Variants in CAMTA1 observed in about 807,000 individuals in gnomAD.
CAMTA1 encodes the protein calmodulin-binding transcription activator 1.
A neutral mutation model predicts 170.9 loss-of-function variants in CAMTA1; 27 were observed. The observed-to-expected ratio is 0.16, with a 90% CI of 0.12 to 0.22. The LOEUF (loss-of-function observed/expected upper bound fraction) is 0.22. CAMTA1 is among the 10% of genes least tolerant of loss of function. The pLI is 1.00. For missense variants in CAMTA1, 1,619 were observed against 2,217.2 expected (o/e 0.73, Z 5.42); for synonymous variants, 833 against 891.5 (o/e 0.93, Z 1.17).
At chr1:6,989,220 C>T (rs1283820023) in intron 3 of CAMTA1, among the ~76,000 whole-genome samples, 2 of 152,162 alleles carry the variant, frequency 1.3e-5, no homozygotes, top group African/African-American at 2.4e-5. Context: ...GGGTTAGGGA[C>T]GGATGTGGCA....
intron 5 of CAMTA1, among the ~76,000 whole-genome samples, chr1:7,459,390 AC>A (rs1449824739): frequency 6.6e-6 from 1 of 152,090 alleles, no homozygotes; most frequent in Non-Finnish European, 1.5e-5. Context: ...CGTTCAGGGT[AC>A]CCTGGGGAGC....
intron 3 of CAMTA1, among the ~76,000 whole-genome samples, chr1:7,042,322 G>A (rs1160171400): frequency 6.6e-6 from 1 of 152,210 alleles, no homozygotes; most frequent in Non-Finnish European, 1.5e-5. Context: ...GTGTACCATG[G>A]AGTGTGGGCA....
At chr1:7,467,742 C>A in intron 5 of CAMTA1, 88 bp from the exon 6 acceptor site, 5 of 1,244,216 alleles carry the variant, frequency 4.0e-6, no homozygotes, top group Non-Finnish European at 5.9e-6. Flanking sequence ...GGCTGTGGCC[C>A]CTTCTTGCTC....
chr1:7,003,218 T>C (rs901455498), intron 3 of CAMTA1, among the ~76,000 whole-genome samples: 1 of 152,186 alleles, frequency 6.6e-6, no homozygotes, highest in African/African-American at 2.4e-5. Flanking sequence ...AAACCACTGG[T>C]CTAACTAAAG....
At chr1:7,363,903 C>A (rs1403839227) in intron 5 of CAMTA1, among the ~76,000 whole-genome samples, 1 of 152,152 alleles carries the variant, frequency 6.6e-6, no homozygotes, top group Non-Finnish European at 1.5e-5. Context: ...ATCCCAGGGA[C>A]CGGGAACACT....
At chr1:6,991,047 A>C (rs954279087) in intron 3 of CAMTA1, among the ~76,000 whole-genome samples, 2 of 152,106 alleles carry the variant, frequency 1.3e-5, no homozygotes, top group African/African-American at 4.8e-5. Flanking sequence ...GTGTTGTTGC[A>C]AGTATCAGTA....
chr1:6,836,870 C>T (rs1653385897), intron 3 of CAMTA1, among the ~76,000 whole-genome samples: 1 of 151,992 alleles, frequency 6.6e-6, no homozygotes, highest in Admixed American at 6.6e-5. Flanking sequence ...TAATGCTGGT[C>T]CCAGGCCAAG....
rs950081657 is a variant in CAMTA1 at position 7,642,198 on chromosome 1, G to A, written c.664+1645G>A. On this transcript the variant is annotated intron_variant, in intron 7 of 22. Coordinates refer to ENST00000303635, the MANE Select transcript of CAMTA1 (RefSeq NM_015215.4). The surrounding 1 kb of genome is among the most constrained non-coding windows in gnomAD (Gnocchi z 6.3). ...AGCTTCCCGCGCTTCATCAGGAGGGGCCTCGTGAGCCTCTTCAAAATGCTG... is the reference window on the plus strand; with the variant it reads ...AGCTTCCCGCGCTTCATCAGGAGGGACCTCGTGAGCCTCTTCAAAATGCTG... Among the ~76,000 whole-genome samples, 12 of 152,198 alleles carry A rather than the reference G, an allele frequency of 7.9e-5. No individual in the cohort carries two copies. Among genetic ancestry groups the A allele is most frequent in the African/African-American group, 2.7e-4 (11 of 41,448 alleles).
chr1:7,485,225 G>A (rs1487699598), intron 6 of CAMTA1, among the ~76,000 whole-genome samples: 13 of 152,132 alleles, frequency 8.5e-5, no homozygotes, highest in Admixed American at 3.9e-4. Context: ...CCTTGTGCGC[G>A]CATTACATAG....
chr1:7,640,242 C>T (rs564028307), intron 6 of CAMTA1, among the ~76,000 whole-genome samples, 158 bp from the exon 7 acceptor site: 1 of 152,304 alleles, frequency 6.6e-6, no homozygotes, highest in South Asian at 2.1e-4. Flanking sequence ...ACAGCCCCCA[C>T]CACAGAACCA....
Position 7,562,199 on chromosome 1 carries a change from C to G in CAMTA1, c.511-78201C>G, listed in dbSNP as rs1057235078. 6.6e-6 allele frequency among the ~76,000 whole-genome samples: 1 copy of G among 152,180 alleles called. No homozygotes were observed. The highest frequency in any genetic ancestry group is 2.4e-5 in the African/African-American group (1 of 41,444). On this transcript the variant is annotated intron_variant, in intron 6 of 22. Coordinates refer to ENST00000303635, the MANE Select transcript of CAMTA1 (RefSeq NM_015215.4). This position sits in a 1 kb window ranked among gnomAD's most constrained non-coding sequence, Gnocchi z 4.8. ...AGGCCCGGCACCCCAGCTCCGGCCCCTCCCAAATCTGCTATTGTAAGCACT... is the reference window on the plus strand; with the variant it reads ...AGGCCCGGCACCCCAGCTCCGGCCCGTCCCAAATCTGCTATTGTAAGCACT...
intron 22 of CAMTA1, among the ~76,000 whole-genome samples, chr1:7,760,711 A>G (rs906751834): frequency 4.6e-5 from 7 of 152,136 alleles, no homozygotes; most frequent in African/African-American, 1.7e-4. Flanking sequence ...TCCAAATGAG[A>G]TTTCTGGAAA....
chr1:6,836,943 CTT>C (rs780894298), intron 3 of CAMTA1, among the ~76,000 whole-genome samples: 31 of 137,210 alleles, frequency 2.3e-4, no homozygotes, highest in Middle Eastern at 3.7e-3. Flanking sequence ...TGAAGGAGTT[CTT>C]TTTTTTTTTT....
chr1:7,416,073 T>C (rs2091148084), intron 5 of CAMTA1, among the ~76,000 whole-genome samples: 1 of 152,244 alleles, frequency 6.6e-6, no homozygotes, highest in African/African-American at 2.4e-5. Flanking sequence ...TTTTTAAGAA[T>C]GTTGAATATT....
At position 7,746,424 on chromosome 1, in the gene CAMTA1, C is replaced by T. The variant is rs538365921; in HGVS notation, c.4617+333C>T. 2.0e-5 allele frequency among the ~76,000 whole-genome samples: 3 copies of T among 152,306 alleles called. No individual in the cohort carries two copies. In the East Asian group the frequency reaches 5.8e-4, roughly 29 times the overall value. ...TCCAGAGCTTTCTCATTCTCCCAAA[C>T]CATTTGCTTTTAACAACCAATTTTT... On this transcript the variant is annotated intron_variant, in intron 18 of 22. Transcript: ENST00000303635.
rs144202369 is a variant in CAMTA1, at chr1:6,987,121, G to A, written c.235-104183G>A. ...CCTGTCTGCATATTGTCATCACTGG[G>A]TAACTTTTAAAAACTAATGCCAGGG... On this transcript the variant is annotated intron_variant, in intron 3 of 22. Coordinates refer to ENST00000303635, the MANE Select transcript of CAMTA1 (RefSeq NM_015215.4). Among the ~76,000 whole-genome samples the A allele has an allele frequency of 6.2e-3, 936 of 151,542 alleles. 9 individuals carry two copies. Among genetic ancestry groups the A allele is most frequent in the Middle Eastern group, 0.024 (7 of 288 alleles).
chr1:7,527,132 C>T (rs1238127651), intron 6 of CAMTA1, among the ~76,000 whole-genome samples: 2 of 152,186 alleles, frequency 1.3e-5, no homozygotes, highest in African/African-American at 2.4e-5. Context: ...AAACTCAAAG[C>T]CACCACTGAC....
intron 3 of CAMTA1, among the ~76,000 whole-genome samples, chr1:6,981,207 A>G (rs1283179687): frequency 6.6e-6 from 1 of 152,216 alleles, no homozygotes; most frequent in Non-Finnish European, 1.5e-5. Flanking sequence ...AGTTGAAGAA[A>G]AAGACATTGG....
chr1:7,491,969 A>C (rs79085141), intron 6 of CAMTA1, among the ~76,000 whole-genome samples: 59 of 152,272 alleles, frequency 3.9e-4, no homozygotes, highest in Admixed American at 3.3e-3. Context: ...GGAAGTCTTG[A>C]TTGCCACATT....
Sources: gnomAD v4.1 joint callset for allele counts (sites outside exome capture counted in the v4.1 genomes callset) on GRCh38, gnomAD v4.1.1 for gene constraint, Gnocchi (gnomAD v3.1) non-coding constraint, MANE v1.5 for transcripts, NCBI Gene and HGNC (gene_info 2026-07-23, HGNC 2026-07-21) for gene names.